The following USP42 variants were observed in gnomAD, a reference collection of about 807,000 sequenced individuals.
USP42 encodes ubiquitin carboxyl-terminal hydrolase 42.
Under a neutral mutation model 113.0 loss-of-function variants are expected in USP42, and 23 were observed. The ratio of observed to expected loss-of-function variants is 0.20; its 90% CI spans 0.15 to 0.29. The LOEUF is 0.29. USP42 is among the 10% of genes least tolerant of loss of function. USP42 has a pLI of 1.00. For missense variants in USP42, 2,174 were observed against 1,779.8 expected, an observed-to-expected ratio of 1.22 and a Z score of -3.99; for synonymous variants, 933 against 699.0, an observed-to-expected ratio of 1.33 and a Z score of -5.28.
At chr7:6,103,396 CGTG>C (rs1562791107), upstream of USP42, among the ~76,000 whole-genome samples, 1 of 150,092 alleles carries the variant, frequency 6.7e-6, no homozygotes, top group Non-Finnish European at 1.5e-5. Flanking sequence ...ATTAGCCGGG[CGTG>C]GTGGCGGGCA....
At chr7:6,098,085 T>C in the USP42 span, among the ~76,000 whole-genome samples, 1 of 147,632 alleles carries the variant, frequency 6.8e-6, no homozygotes, top group African/African-American at 2.5e-5. Context: ...TTTGTATTTT[T>C]AGTAGAGACG....
chr7:6,154,327 G>A lies in USP42; in HGVS notation c.2773G>A (p.Glu925Lys), dbSNP rs1288177191. 42 of 1,575,310 alleles carry A rather than the reference G, an allele frequency of 2.7e-5. No homozygotes were observed. Among genetic ancestry groups the A allele is most frequent in the Non-Finnish European group, 3.5e-5 (41 of 1,161,610 alleles). Reference protein sequence around the residue: ...DAEPSPGERVEDAAAPKAPGP... With the variant: ...DAEPSPGERVKDAAAPKAPGP... The stretch of plus-strand genomic sequence containing the variant: ...TGAGCCTAGCCCCGGCGAGAGGGTC[G>A]AGGACGCCGCGGCGCCGAAAGCCCC... Residue 925 changes from glutamate (E) to lysine (K), a missense_variant, in exon 15 of 18, where the codon GAG becomes AAG. Physicochemically the swap from Glu to Lys is moderately conservative, Grantham distance 56 (BLOSUM62 1). Coordinates refer to ENST00000306177, the MANE Select transcript of USP42 (RefSeq NM_032172.3).
At chr7:6,146,911 G>C (rs1781747734) in intron 11 of USP42, among the ~76,000 whole-genome samples, 1 of 152,212 alleles carries the variant, frequency 6.6e-6, no homozygotes, top group African/African-American at 2.4e-5. Context: ...CGTGGTCACA[G>C]CCAGCACCTC....
chr7:6,112,288 A>G (rs1032116569), intron 2 of USP42, among the ~76,000 whole-genome samples: 1 of 152,004 alleles, frequency 6.6e-6, no homozygotes, highest in Non-Finnish European at 1.5e-5. Flanking sequence ...ATCTCCACTA[A>G]AAATACAAAA....
chr7:6,145,278 C>T (rs1388979490), intron 9 of USP42, among the ~76,000 whole-genome samples: 3 of 151,404 alleles, frequency 2.0e-5, no homozygotes, highest in African/African-American at 7.3e-5. Flanking sequence ...TTCCAGTGAG[C>T]TGAGATCGTG....
chr7:6,114,990 C>CTA (rs1288842230), intron 2 of USP42, among the ~76,000 whole-genome samples: 2 of 151,772 alleles, frequency 1.3e-5, no homozygotes, highest in Non-Finnish European at 2.9e-5. Context: ...GTGCCCGGCC[C>CTA]TATATATATA....
At chr7:6,111,536 C>T (rs979696363) in intron 2 of USP42, among the ~76,000 whole-genome samples, 162 bp downstream of exon 2, 5 of 152,008 alleles carry the variant, frequency 3.3e-5, no homozygotes, top group South Asian at 2.1e-4. Flanking sequence ...GTTACTTGTT[C>T]GTCATTGACT....
chr7:6,100,004 C>CTGT (rs1554332998), upstream of USP42, among the ~76,000 whole-genome samples: 1 of 144,290 alleles, frequency 6.9e-6, no homozygotes, highest in Non-Finnish European at 1.5e-5. Context: ...TTTCACAAGT[C>CTGT]TATTATTATT....
chr7:6,109,556 G>T (rs1008112881), intron 1 of USP42, among the ~76,000 whole-genome samples: 1 of 152,050 alleles, frequency 6.6e-6, no homozygotes, highest in East Asian at 1.9e-4. Flanking sequence ...ACCATGCCTG[G>T]TTAATTTTTT....
At chr7:6,118,062 T>A (rs1780011173) in intron 3 of USP42, among the ~76,000 whole-genome samples, 1 of 152,308 alleles carries the variant, frequency 6.6e-6, no homozygotes, top group Non-Finnish European at 1.5e-5. Context: ...GAAATTTCAT[T>A]TCTTTTTTTT....
chr7:6,100,766 C>A (rs1303508982), upstream of USP42, among the ~76,000 whole-genome samples: 1 of 148,948 alleles, frequency 6.7e-6, no homozygotes, highest in East Asian at 1.9e-4. Context: ...TCCCAGGTTC[C>A]AGCAATTCTC....
rs559850358 is a variant in USP42, at chr7:6,154,315, G to A, written c.2761G>A (p.Gly921Ser). Residue 921 changes from glycine to serine, a missense_variant, in exon 15 of 18, where the codon GGC becomes AGC. Physicochemically the swap from Gly to Ser is moderately conservative, Grantham distance 56. Coordinates refer to ENST00000306177, the MANE Select transcript of USP42 (RefSeq NM_032172.3). ...HPEGDAEPSP[G>S]ERVEDAAAPK... ...GGAAGGGGACGCTGAGCCTAGCCCC[G>A]GCGAGAGGGTCGAGGACGCCGCGGC... 77 of 1,579,942 alleles carry A rather than the reference G, an allele frequency of 4.9e-5. No homozygotes were observed. The East Asian group carries it at 5.4e-4, about 11-fold the overall frequency.
Position 6,157,043 on chromosome 7 carries a change from G to T in USP42, c.3931G>T (p.Glu1311Ter). Reference sequence around the variant, plus strand: ...CAGGGATGACAGGTGTCGTCTCTTTGAGTATGGCCAGGGTAAGAGGAGATA... The same window carrying T: ...CAGGGATGACAGGTGTCGTCTCTTTTAGTATGGCCAGGGTAAGAGGAGATA... ...ESRDDRCRLF[E>*]YGQGD The change falls in exon 16 of 18, where the codon GAG (glutamate) becomes TAG (stop). Residue 1311 changes from glutamate to a stop codon, truncating the protein, a stop_gained. Coordinates refer to ENST00000306177, the MANE Select transcript of USP42 (RefSeq NM_032172.3). LOFTEE classifies it high-confidence loss of function. The surrounding 1 kb of genome is among the most constrained non-coding windows in gnomAD (Gnocchi z 4.1). 6.2e-7 allele frequency: 1 copy of T among 1,604,144 alleles called. No homozygotes were observed. Among genetic ancestry groups the T allele is most frequent in the South Asian group, 1.1e-5 (1 of 89,158 alleles).
At chr7:6,108,192 A>G (rs1232711241) in intron 1 of USP42, among the ~76,000 whole-genome samples, 1 of 152,180 alleles carries the variant, frequency 6.6e-6, no homozygotes, top group Non-Finnish European at 1.5e-5. Flanking sequence ...GTCTCAAAAC[A>G]TAACAAAACA....
chr7:6,159,561 T>TTTAA lies in USP42; in HGVS notation c.*36+71_*36+74dup. ...GCTGAGGGGACGCAGGCAGAGGAGT[T>TTTAA]TTAATTCTGCGGCTCTGCCTGGGGG... On this transcript the variant is annotated intron_variant, in intron 17 of 17. Transcript: ENST00000306177. The surrounding 1 kb of genome is among the most constrained non-coding windows in gnomAD (Gnocchi z 4.1). 7.4e-6 allele frequency: 11 copies of TTTAA among 1,492,980 alleles called. No homozygotes were observed. The highest frequency in any genetic ancestry group is 1.0e-5 in the Non-Finnish European group (11 of 1,076,310). 92.5% of individuals were successfully genotyped at this position (1,492,980 alleles called of 1,614,324 possible).
Position 6,139,072 on chromosome 7 carries a change from T to A in USP42, c.554-20T>A, listed in dbSNP as rs1445281210. ...TATTACGTGTAATGATAAAGCCTTG[T>A]CTTTACCGAAATTTTACAGGTATAG... On this transcript the variant is annotated intron_variant, in intron 4 of 17. Transcript: ENST00000306177. The surrounding 1 kb of genome is among the most constrained non-coding windows in gnomAD (Gnocchi z 4.5). The A allele has an allele frequency of 1.9e-6, 3 of 1,558,758 alleles. No homozygotes were observed. The highest frequency in any genetic ancestry group is 2.6e-6 in the Non-Finnish European group (3 of 1,141,274).
chr7:6,145,878 T>G (rs1781690284), intron 10 of USP42, among the ~76,000 whole-genome samples: 1 of 152,254 alleles, frequency 6.6e-6, no homozygotes, highest in African/African-American at 2.4e-5. Context: ...AAGACCAACC[T>G]GGCCAACAGG....
At chr7:6,111,698 G>A (rs1779605028) in intron 2 of USP42, 1 of 176,814 alleles carries the variant, frequency 5.7e-6, no homozygotes, top group African/African-American at 2.4e-5. Flanking sequence ...TGCCTCCCGG[G>A]TTCAGGACAT....
rs747701032 is a variant in USP42 at position 6,154,920 on chromosome 7, C to G, written c.3366C>G (p.Pro1122=). Residue 1122 remains proline (P), a synonymous_variant, in exon 15 of 18, where the codon CCC becomes CCG. Coordinates refer to ENST00000306177, the MANE Select transcript of USP42 (RefSeq NM_032172.3). The stretch of plus-strand genomic sequence containing the variant: ...CCAGCAGCCCCCGCGCAGGCGCGCC[C>G]CACGCCCTCGCCCCGCACCCCGACC... ...HRPSSPRAGA[P]HALAPHPDRF... 2 of 1,549,624 alleles carry G rather than the reference C, an allele frequency of 1.3e-6. No homozygotes were observed. The highest frequency in any genetic ancestry group is 1.2e-5 in the South Asian group (1 of 84,076).
Sources: allele counts gnomAD v4.1 joint callset (sites outside exome capture counted in the v4.1 genomes callset), GRCh38; gene constraint gnomAD v4.1.1; non-coding constraint Gnocchi (gnomAD v3.1); transcripts MANE v1.5; gene names NCBI Gene and HGNC (gene_info 2026-07-23, HGNC 2026-07-21).